The following UBR3 variants were observed in gnomAD, a reference collection of about 807,000 sequenced individuals.
UBR3 encodes the protein ubiquitin protein ligase E3 component n-recognin 3, also known as E3 ubiquitin-protein ligase UBR3.
A neutral mutation model predicts 243.2 loss-of-function variants in UBR3; 85 were observed. The observed-to-expected ratio is 0.35, with a 90% CI of 0.29 to 0.42. The LOEUF is 0.42. Ranked by LOEUF, UBR3 falls within the 10% of genes least tolerant of loss-of-function variation. The pLI is 1.00. For missense variants in UBR3, 1,686 were observed against 2,300.8 expected (o/e 0.73, Z 5.47); for synonymous variants, 748 against 799.8 (o/e 0.94, Z 1.09).
At chr2:169,938,327 A>G (rs1422101541) in intron 19 of UBR3, among the ~76,000 whole-genome samples, 1 of 144,760 alleles carries the variant, frequency 6.9e-6, no homozygotes, top group Non-Finnish European at 1.5e-5. Context: ...TGGTGGCATG[A>G]TCACAGTTCT....
intron 35 of UBR3, among the ~76,000 whole-genome samples, chr2:170,064,076 A>G (rs897985888): frequency 1.3e-5 from 2 of 152,216 alleles, no homozygotes; most frequent in Admixed American, 6.5e-5. Flanking sequence ...CTTATGGTTA[A>G]TTTAATTTGT....
intron 25 of UBR3, among the ~76,000 whole-genome samples, chr2:169,987,921 T>C (rs935576000): frequency 7.9e-5 from 12 of 152,180 alleles, no homozygotes; most frequent in Admixed American, 7.9e-4. Context: ...ATATTGACTT[T>C]AGAGGATTTT....
At chr2:169,903,862 A>AAT (rs887297091) in intron 8 of UBR3, among the ~76,000 whole-genome samples, 10 of 152,082 alleles carry the variant, frequency 6.6e-5, no homozygotes, top group African/African-American at 1.9e-4. Flanking sequence ...TCTTTGAAAA[A>AAT]ATATATATAT....
chr2:169,925,627 T>C lies in UBR3; in HGVS notation c.2031T>C (p.Leu677=), dbSNP rs2085882483. The C allele has an allele frequency of 6.5e-7, 1 of 1,548,608 alleles. No homozygotes were observed. Among genetic ancestry groups the C allele is most frequent in the Non-Finnish European group, 8.7e-7 (1 of 1,145,958 alleles). ...CAATTTACTTTTATTAGGCAAGTCT[T>C]GCAGAAATCCACAGCAATATGTGGG... ...MIHPLQIQAS[L]AEIHSNMWVR... The change falls in exon 14 of 39, where the codon CTT becomes CTC. Residue 677 remains leucine, a synonymous_variant. Transcript: ENST00000272793.
At chr2:169,890,544 T>TATATATATATAC (rs2084302118) in intron 5 of UBR3, among the ~76,000 whole-genome samples, 2 of 56,100 alleles carry the variant, frequency 3.6e-5, no homozygotes, top group African/African-American at 1.4e-4. Context: ...GAGAGAGATA[T>TATATATATATAC]ATATATATAT....
At chr2:170,001,638 G>A (rs1264830916) in intron 27 of UBR3, among the ~76,000 whole-genome samples, 9 of 152,080 alleles carry the variant, frequency 5.9e-5, no homozygotes, top group Admixed American at 6.6e-5. Context: ...GTTCATGCCT[G>A]TAATCCCAGC....
intron 31 of UBR3, among the ~76,000 whole-genome samples, chr2:170,030,625 C>T (rs1041943301): frequency 1.3e-5 from 2 of 151,880 alleles, no homozygotes; most frequent in Non-Finnish European, 2.9e-5. Context: ...TACTACTAAC[C>T]ATAAATTATC....
intron 20 of UBR3, 22 bp downstream of exon 20, chr2:169,942,656 A>G (rs930471700): frequency 5.4e-6 from 8 of 1,486,212 alleles, no homozygotes; most frequent in Middle Eastern, 3.5e-4. Context: ...ATTTGAATAG[A>G]AAGACTAAGC....
intron 28 of UBR3, 78 bp from the exon 29 acceptor site, chr2:170,008,726 T>C: frequency 1.4e-6 from 1 of 712,736 alleles, no homozygotes; most frequent in Non-Finnish European, 2.2e-6. Context: ...TATGTTCATA[T>C]AATAAACATT....
chr2:169,928,589 GCCCT>G (rs2085998662), intron 17 of UBR3, 134 bp from the exon 18 acceptor site: 17 of 524,826 alleles, frequency 3.2e-5, no homozygotes, highest in Admixed American at 3.1e-4. Flanking sequence ...GTATTATATA[GCCCT>G]CTTGTGGCCA....
intron 5 of UBR3, among the ~76,000 whole-genome samples, chr2:169,879,741 T>C (rs1179564448): frequency 6.6e-6 from 1 of 152,240 alleles, no homozygotes; most frequent in East Asian, 1.9e-4. Context: ...ACACTGTATG[T>C]GTGTTAGTTA....
intron 30 of UBR3, 49 bp from the exon 31 acceptor site, chr2:170,029,297 T>C (rs748650946): frequency 2.7e-6 from 4 of 1,457,058 alleles, no homozygotes; most frequent in African/African-American, 1.4e-5. Flanking sequence ...AATTTTGTTC[T>C]GTAACAAATG....
intron 25 of UBR3, among the ~76,000 whole-genome samples, chr2:169,991,387 T>C (rs2089267341): frequency 6.6e-6 from 1 of 152,170 alleles, no homozygotes; most frequent in African/African-American, 2.4e-5. Context: ...TATATATTTT[T>C]CTCAATGGTA....
intron 1 of UBR3, among the ~76,000 whole-genome samples, chr2:169,839,049 T>C (rs1168707268): frequency 6.6e-6 from 1 of 152,164 alleles, no homozygotes; most frequent in South Asian, 2.1e-4. Flanking sequence ...AATCAATATA[T>C]GGAAAAGAGA....
chr2:169,842,472 G>A (rs990677975), intron 1 of UBR3, among the ~76,000 whole-genome samples: 20 of 145,782 alleles, frequency 1.4e-4, no homozygotes, highest in Admixed American at 1.1e-3. Flanking sequence ...CTTCCACACT[G>A]TGGAAGCTTT....
intron 1 of UBR3, among the ~76,000 whole-genome samples, chr2:169,861,778 T>C (rs1345029564): frequency 6.6e-6 from 1 of 152,146 alleles, no homozygotes; most frequent in Non-Finnish European, 1.5e-5. Flanking sequence ...AAGCTGTCTC[T>C]TCTACACAAT....
intron 24 of UBR3, among the ~76,000 whole-genome samples, chr2:169,971,867 AG>A (rs1559146179): frequency 6.6e-6 from 1 of 152,212 alleles, no homozygotes; most frequent in Non-Finnish European, 1.5e-5. Flanking sequence ...TAGAAAAGCA[AG>A]AGCATACACA....
rs571607671 is a variant in UBR3, at chr2:169,856,115, C to A, written c.546-16121C>A. Among the ~76,000 whole-genome samples the A allele has an allele frequency of 6.9e-5, 10 of 144,106 alleles. No homozygotes were observed. In the South Asian group the frequency reaches 2.0e-3, roughly 29 times the overall value. The allele number at this position is 144,106 out of a possible 152,430, so 94.5% of individuals were successfully genotyped here. Reference sequence around the variant, plus strand: ...GCGGAGGGGCTCCTCACTTCTCAGACGGGGGCAGCCGGTCAGAGACGCTCC... The same window carrying A: ...GCGGAGGGGCTCCTCACTTCTCAGAAGGGGGCAGCCGGTCAGAGACGCTCC... On this transcript the variant is annotated intron_variant, in intron 1 of 38. Transcript: ENST00000272793.
At chr2:169,889,961 A>T (rs575678921) in intron 5 of UBR3, among the ~76,000 whole-genome samples, 1 of 152,350 alleles carries the variant, frequency 6.6e-6, no homozygotes, top group East Asian at 1.9e-4. Context: ...ACAACTGACT[A>T]TATGCCACAT....
Sources: allele counts gnomAD v4.1 joint callset (sites outside exome capture counted in the v4.1 genomes callset), GRCh38; gene constraint gnomAD v4.1.1; transcripts MANE v1.5; gene names NCBI Gene and HGNC (gene_info 2026-07-23, HGNC 2026-07-21).